The following FDXACB1 variants were observed in gnomAD, a reference collection of about 807,000 sequenced individuals.
The protein encoded by FDXACB1 is ferredoxin-fold anticodon binding domain containing 1.
Under a neutral mutation model 51.7 loss-of-function variants are expected in FDXACB1, and 41 were observed. The observed-to-expected ratio is 0.79, with a 90% CI of 0.62 to 1.03. The LOEUF (loss-of-function observed/expected upper bound fraction) is 1.03, where lower values mean the gene tolerates loss of function less well. Ranked by LOEUF, FDXACB1 falls within the 50% of genes least tolerant of loss-of-function variation. FDXACB1 has a pLI of 0.00. For synonymous variants in FDXACB1, 273 were observed against 278.6 expected, an observed-to-expected ratio of 0.98 and a Z score of 0.20; for missense variants, 697 against 746.4, an observed-to-expected ratio of 0.93 and a Z score of 0.77.
chr11:111,878,459 T>C (rs1964868640), intron 2 of FDXACB1, 97 bp downstream of exon 2: 2 of 1,346,222 alleles, frequency 1.5e-6, no homozygotes, highest in South Asian at 1.5e-5. Context: ...CTTCTAAACA[T>C]ATCATAGTAG....
intron 2 of FDXACB1, 133 bp downstream of exon 2, chr11:111,878,423 G>C (rs1964867322): frequency 2.2e-6 from 2 of 912,872 alleles, no homozygotes; most frequent in Non-Finnish European, 3.2e-6. Flanking sequence ...AACTAAACTT[G>C]GGGTTCCTTT....
At chr11:111,877,246 A>T (rs1555162310) in intron 2 of FDXACB1, among the ~76,000 whole-genome samples, 1 of 152,244 alleles carries the variant, frequency 6.6e-6, no homozygotes, top group Non-Finnish European at 1.5e-5. Context: ...TCTGCTTTGC[A>T]TTTGTGTCAT....
Position 111,875,806 on chromosome 11 carries a change from C to T in FDXACB1, c.991G>A (p.Gly331Ser). 1 of 1,613,716 alleles carries T rather than the reference C, an allele frequency of 6.2e-7. No homozygotes were observed. ...GTTCCTTCACAAGCTTCTTCTTTAC[C>T]ATCTCTTCCAGGATTCTTGAGAAGG... ...LSLLKNPGRD[G>S]KEEACEGTCG... The change falls in exon 5 of 5, where the codon GGT becomes AGT. Residue 331 changes from glycine (G) to serine (S), a missense_variant. Gly to Ser is a moderately conservative substitution (Grantham distance 56). Coordinates refer to ENST00000260257, the MANE Select transcript of FDXACB1 (RefSeq NM_138378.3).
Position 111,878,849 on chromosome 11 carries a change from T to C in FDXACB1, c.172+112A>G. 11 of 1,518,972 alleles carry C rather than the reference T, an allele frequency of 7.2e-6. No individual in the cohort carries two copies. In the South Asian group the frequency reaches 9.7e-5, roughly 13 times the overall value. 94.1% of individuals were successfully genotyped at this position (1,518,972 alleles called of 1,614,324 possible). A position where few individuals can be genotyped will look rare whatever the true frequency, so the allele number is the denominator to read the frequency against. ...AAAGCCGGCTTTATGTGAATATCCGTGGGACGATCAAGAACAATCTCCACG... is the reference window on the plus strand; with the variant it reads ...AAAGCCGGCTTTATGTGAATATCCGCGGGACGATCAAGAACAATCTCCACG... On this transcript the variant is annotated intron_variant, in intron 1 of 4. Coordinates refer to ENST00000260257, the MANE Select transcript of FDXACB1 (RefSeq NM_138378.3).
intron 1 of FDXACB1, 73 bp downstream of exon 1, chr11:111,878,888 C>T: frequency 6.5e-7 from 1 of 1,541,272 alleles, no homozygotes; most frequent in Non-Finnish European, 8.7e-7. Context: ...GTTACATCCC[C>T]ACGCCCCCAC....
Position 111,877,001 on chromosome 11 carries a change from C to T in FDXACB1, c.340G>A (p.Val114Ile), listed in dbSNP as rs144833582. The change falls in exon 3 of 5, where the codon GTT becomes ATT. Residue 114 changes from valine (V) to isoleucine (I), a missense_variant. By Grantham distance (29) the Val-to-Ile change is conservative. Transcript: ENST00000260257. ...LAKFFQSCAD[V>I]LAEEGEVHVA... The stretch of plus-strand genomic sequence containing the variant: ...TGGACTTCTCCTTCCTCTGCAAGAA[C>T]GTCTGCACAGCTAATAGGGAGAAAA... The T allele has an allele frequency of 0.016, 25,668 of 1,583,952 alleles. 243 individuals carry two copies. The highest frequency in any genetic ancestry group is 0.019 in the Non-Finnish European group (22,427 of 1,163,804).
chr11:111,876,155 T>A, intron 4 of FDXACB1, 51 bp from the exon 5 acceptor site: 1 of 1,364,768 alleles, frequency 7.3e-7, no homozygotes, highest in East Asian at 2.3e-5. Context: ...TAGTAAATAA[T>A]TATAATGTAG....
In FDXACB1 at chr11:111,876,818, T is replaced by C. The variant is rs782275453; in HGVS notation, c.523A>G (p.Thr175Ala). The C allele has an allele frequency of 6.2e-7, 1 of 1,613,988 alleles. No homozygotes were observed. Among genetic ancestry groups the C allele is most frequent in the African/African-American group, 1.3e-5 (1 of 75,068 alleles). ...TATGCTATTACCTACCTATATCCAG[T>C]GCACTTGTACCCTGCCACAGCCTTA... Reference protein sequence around the residue: ...SCKAVAGYKCTGYRSQDKSFH... With the variant: ...SCKAVAGYKCAGYRSQDKSFH... Residue 175 changes from threonine (T) to alanine (A), a missense_variant, in exon 3 of 5, where the codon ACT becomes GCT. Thr to Ala is a moderately conservative substitution (Grantham distance 58). This residue lies in a region of FDXACB1 where 538 missense variants were observed against 592.2 expected (regional missense o/e 0.91). Coordinates refer to ENST00000260257, the MANE Select transcript of FDXACB1 (RefSeq NM_138378.3).
Position 111,876,479 on chromosome 11 carries a change from A to C in FDXACB1, c.692+2T>G, listed in dbSNP as rs1964817460. The C allele has an allele frequency of 6.2e-7, 1 of 1,612,450 alleles. No homozygotes were observed. Among genetic ancestry groups the C allele is most frequent in the South Asian group, 1.1e-5 (1 of 90,968 alleles). Reference sequence around the variant, plus strand: ...GTGATTTCCAGCAAAATAACTGGTTACCTGTTCAACTTTCCTACAAGTGCT... The same window carrying C: ...GTGATTTCCAGCAAAATAACTGGTTCCCTGTTCAACTTTCCTACAAGTGCT... On this transcript the variant is annotated splice_donor_variant, in intron 4 of 4. Transcript: ENST00000260257. LOFTEE classifies it high-confidence loss of function.
At chr11:111,876,145 T>C in intron 4 of FDXACB1, 41 bp from the exon 5 acceptor site, 2 of 1,425,986 alleles carry the variant, frequency 1.4e-6, no homozygotes, top group South Asian at 1.3e-5. Context: ...TAACTTAAGA[T>C]AGTAAATAAT....
chr11:111,876,473 C>G lies in FDXACB1; in HGVS notation c.692+8G>C. Reference sequence around the variant, plus strand: ...ATGGAAGTGATTTCCAGCAAAATAACTGGTTACCTGTTCAACTTTCCTACA... The same window carrying G: ...ATGGAAGTGATTTCCAGCAAAATAAGTGGTTACCTGTTCAACTTTCCTACA... On this transcript the variant is annotated splice_region_variant and intron_variant, in intron 4 of 4. Coordinates refer to ENST00000260257, the MANE Select transcript of FDXACB1 (RefSeq NM_138378.3). 1.2e-6 allele frequency: 2 copies of G among 1,611,516 alleles called. No homozygotes were observed. The highest frequency in any genetic ancestry group is 1.7e-6 in the Non-Finnish European group (2 of 1,178,768).
intron 4 of FDXACB1, 63 bp downstream of exon 4, chr11:111,876,418 G>A (rs1964816480): frequency 6.5e-7 from 1 of 1,543,384 alleles, no homozygotes; most frequent in African/African-American, 1.4e-5. Context: ...ATATATGGTT[G>A]CCATCAAGAC....
intron 2 of FDXACB1, among the ~76,000 whole-genome samples, chr11:111,877,986 C>G (rs1288631787): frequency 1.3e-5 from 2 of 151,850 alleles, no homozygotes; most frequent in African/African-American, 2.4e-5. Flanking sequence ...AGGAGATCGA[C>G]ACCATCCTGG....
Position 111,879,043 on chromosome 11 carries a change from A to G in FDXACB1, c.90T>C (p.Leu30=). 6.2e-7 allele frequency: 1 copy of G among 1,613,702 alleles called. No homozygotes were observed. Among genetic ancestry groups the G allele is most frequent in the Non-Finnish European group, 8.5e-7 (1 of 1,179,826 alleles). Residue 30 remains leucine, a synonymous_variant, in exon 1 of 5, where the codon CTT becomes CTC. Transcript: ENST00000260257. ...LSETLDQSTQ[L]TATCLQRPAE... ...CCGGGCGCTGGAGGCAGGTGGCGGT[A>G]AGTTGAGTGCTCTGATCCAGGGTTT...
At chr11:111,878,884 T>TC in intron 1 of FDXACB1, 77 bp downstream of exon 1, 1 of 1,536,100 alleles carries the variant, frequency 6.5e-7, no homozygotes, top group Non-Finnish European at 8.8e-7. Flanking sequence ...GTGGGTTACA[T>TC]CCCCACGCCC....
chr11:111,875,736 T>C lies in FDXACB1; in HGVS notation c.1061A>G (p.His354Arg), dbSNP rs1555162029. ...KICLRPSLLVHVQDVIEVPDF... is the reference protein window; with the variant it reads ...KICLRPSLLVRVQDVIEVPDF... ...TGGTACTTCGATGACATCCTGAACA[T>C]GCACTAGGAGAGAAGGTCTAAGGCA... is the stretch of plus-strand genomic sequence containing the variant. Residue 354 changes from histidine (H) to arginine (R), a missense_variant, in exon 5 of 5, where the codon CAT becomes CGT. His to Arg is a conservative substitution (Grantham distance 29). This residue lies in a region of FDXACB1 where 538 missense variants were observed against 592.2 expected (regional missense o/e 0.91). Transcript: ENST00000260257. 6.2e-7 allele frequency: 1 copy of C among 1,613,494 alleles called. No homozygotes were observed. The highest frequency in any genetic ancestry group is 1.3e-5 in the African/African-American group (1 of 74,854).
Position 111,876,589 on chromosome 11 carries a change from G to A in FDXACB1, c.584C>T (p.Thr195Ile), listed in dbSNP as rs530922734. 6 of 1,613,982 alleles carry A rather than the reference G, an allele frequency of 3.7e-6. No individual in the cohort carries two copies. In the African/African-American group the frequency reaches 4.0e-5, roughly 11 times the overall value. The change falls in exon 4 of 5, where the codon ACC becomes ATC. Residue 195 changes from threonine (T) to isoleucine (I), a missense_variant. Around this residue, in one of 3 missense-constraint regions of FDXACB1, gnomAD observed 538 missense variants for 592.2 expected, o/e 0.91. Coordinates refer to ENST00000260257, the MANE Select transcript of FDXACB1 (RefSeq NM_138378.3). ...HVEGALNHIF[T>I]RSLPFEGSQP... The stretch of plus-strand genomic sequence containing the variant: ...AGAACCTTCAAAAGGTAAGCTCCTG[G>A]TGAAGATATGGTTCAAAGCACCTTC...
rs1409704205 is a variant in FDXACB1 at position 111,875,450 on chromosome 11, C to T, written c.1347G>A (p.Met449Ile). 8 of 1,612,970 alleles carry T rather than the reference C, an allele frequency of 5.0e-6. No individual in the cohort carries two copies. The African/African-American group carries it at 9.4e-5, about 19-fold the overall frequency. Residue 449 changes from methionine (M) to isoleucine (I), a missense_variant, in exon 5 of 5, where the codon ATG (methionine) becomes ATA (isoleucine). By Grantham distance (10) the Met-to-Ile change is conservative (BLOSUM62 1). This residue lies in a region of FDXACB1 where 538 missense variants were observed against 592.2 expected (regional missense o/e 0.91). Coordinates refer to ENST00000260257, the MANE Select transcript of FDXACB1 (RefSeq NM_138378.3). ...TAAAATTATGAGTCTTCACACGAAT[C>T]ATATAATCCTTTCCATTTGACTGAA... The part of the protein sequence containing the change: ...FVLQSNGKDY[M>I]IRVKTHNFSP...
In FDXACB1 at chr11:111,879,026, T is replaced by C. The variant is rs1555162669; in HGVS notation, c.107A>G (p.Gln36Arg). Reference sequence around the variant, plus strand: ...ATCCCGAGCCAACTCGGCCGGGCGCTGGAGGCAGGTGGCGGTAAGTTGAGT... The same window carrying C: ...ATCCCGAGCCAACTCGGCCGGGCGCCGGAGGCAGGTGGCGGTAAGTTGAGT... Reference protein sequence around the residue: ...QSTQLTATCLQRPAELARDPL... With the variant: ...QSTQLTATCLRRPAELARDPL... Residue 36 changes from glutamine to arginine, a missense_variant, in exon 1 of 5, where the codon CAG becomes CGG. Physicochemically the swap from Gln to Arg is conservative, Grantham distance 43. Coordinates refer to ENST00000260257, the MANE Select transcript of FDXACB1 (RefSeq NM_138378.3). 6 of 1,613,446 alleles carry C rather than the reference T, an allele frequency of 3.7e-6. No homozygotes were observed. The Admixed American group carries it at 8.3e-5, about 22-fold the overall frequency.
Sources: gnomAD v4.1 joint callset for allele counts (sites outside exome capture counted in the v4.1 genomes callset) on GRCh38, gnomAD v4.1.1 for gene constraint, gnomAD v4.1.1 regional missense constraint, MANE v1.5 for transcripts, NCBI Gene and HGNC (gene_info 2026-07-23, HGNC 2026-07-21) for gene names.